The following TPD52L1 variants were observed in gnomAD, a reference collection of about 807,000 sequenced individuals.
TPD52L1 encodes the protein tumor protein D53.
A neutral mutation model predicts 28.7 loss-of-function variants in TPD52L1; 18 were observed. That is an observed-to-expected ratio of 0.63 (90% confidence interval 0.43 to 0.93). TPD52L1 has a LOEUF of 0.93. Among genes scored for constraint, TPD52L1 ranks in the 40% least tolerant of loss-of-function variants. The pLI is 0.00. For missense variants in TPD52L1, 203 were observed against 254.8 expected (o/e 0.80, Z 1.39); for synonymous variants, 75 against 88.8 (o/e 0.84, Z 0.88).
In TPD52L1 at chr6:125,157,445, G is replaced by A. The variant is rs115009665; in HGVS notation, c.19+3475G>A. On this transcript the variant is annotated intron_variant, in intron 1 of 6. Coordinates refer to ENST00000534000, the MANE Select transcript of TPD52L1 (RefSeq NM_003287.4). ...GGGGAGGTGGTAGGACACTAAACAG[G>A]AAGTGGGATTATGGGTGGAGCTGTT... Among the ~76,000 whole-genome samples, 996 of 152,320 alleles carry A rather than the reference G, an allele frequency of 6.5e-3. 12 individuals carry two copies. The highest frequency in any genetic ancestry group is 0.023 in the African/African-American group (954 of 41,570).
intron 1 of TPD52L1, among the ~76,000 whole-genome samples, chr6:125,170,869 C>T (rs1039243499): frequency 9.9e-5 from 15 of 151,692 alleles, no homozygotes; most frequent in African/African-American, 3.4e-4. Context: ...ATAACCTGTG[C>T]CTCCTCTTCT....
intron 3 of TPD52L1, among the ~76,000 whole-genome samples, chr6:125,238,520 C>T (rs1796418809): frequency 6.6e-6 from 1 of 151,858 alleles, no homozygotes; most frequent in African/African-American, 2.4e-5. Flanking sequence ...AACCCTTTCC[C>T]CCGAGTCCCC....
chr6:125,244,115 A>T (rs985270422), intron 3 of TPD52L1, among the ~76,000 whole-genome samples: 1 of 152,094 alleles, frequency 6.6e-6, no homozygotes, highest in Non-Finnish European at 1.5e-5. Context: ...GCTTTCCCTT[A>T]TGCTGTTTGT....
intron 6 of TPD52L1, among the ~76,000 whole-genome samples, chr6:125,260,838 A>AAGAG (rs61521390): frequency 0.4 from 58,076 of 143,524 alleles, 12,559 homozygotes; most frequent in East Asian, 0.59. Flanking sequence ...GGAAGAAAGG[A>AAGAG]AGAGAAAGAA....
At chr6:125,248,409 CG>C (rs1562377432) in intron 4 of TPD52L1, 26 bp downstream of exon 4, 1 of 1,576,198 alleles carries the variant, frequency 6.3e-7, no homozygotes, top group Non-Finnish European at 8.7e-7. Flanking sequence ...ACCATGGGAA[CG>C]GCGCTAAGCC....
At chr6:125,201,657 A>G (rs1793807188) in intron 1 of TPD52L1, among the ~76,000 whole-genome samples, 3 of 152,164 alleles carry the variant, frequency 2.0e-5, no homozygotes, top group Admixed American at 6.5e-5. Flanking sequence ...TTCTTTGCAA[A>G]TATCTTAGAT....
chr6:125,185,778 AC>A (rs1313750883), intron 1 of TPD52L1, among the ~76,000 whole-genome samples: 1 of 152,062 alleles, frequency 6.6e-6, no homozygotes. Context: ...TAATATACAA[AC>A]CCCCTCTGAA....
At chr6:125,258,149 G>C (rs1797713007) in intron 6 of TPD52L1, among the ~76,000 whole-genome samples, 1 of 152,138 alleles carries the variant, frequency 6.6e-6, no homozygotes, top group Non-Finnish European at 1.5e-5. Context: ...TTGACCTGGA[G>C]AGTCTTTTCT....
intron 1 of TPD52L1, among the ~76,000 whole-genome samples, chr6:125,219,304 T>A (rs995098597): frequency 6.6e-6 from 1 of 152,174 alleles, no homozygotes; most frequent in Non-Finnish European, 1.5e-5. Flanking sequence ...CATAACAAGT[T>A]AGAAGCTATT....
intron 1 of TPD52L1, among the ~76,000 whole-genome samples, chr6:125,163,069 T>C (rs980021650): frequency 6.3e-4 from 96 of 152,310 alleles, no homozygotes; most frequent in African/African-American, 2.1e-3. Context: ...AAGGGGAAGC[T>C]AAGATGAACT....
At chr6:125,223,561 TAGTC>T (rs759549080) in intron 2 of TPD52L1, among the ~76,000 whole-genome samples, 2 of 151,804 alleles carry the variant, frequency 1.3e-5, no homozygotes, top group Non-Finnish European at 2.9e-5. Flanking sequence ...ATACAAAAAT[TAGTC>T]AGGCATGGTG....
At position 125,153,935 on chromosome 6, in the gene TPD52L1, G is replaced by C. The variant is rs1402369535; in HGVS notation, c.-17G>C. The C allele has an allele frequency of 1.6e-5, 25 of 1,604,354 alleles. No individual in the cohort carries two copies. The highest frequency in any genetic ancestry group is 2.1e-5 in the Non-Finnish European group (25 of 1,177,982). On this transcript the variant is annotated 5_prime_UTR_variant, in exon 1 of 7. Transcript: ENST00000534000. The stretch of plus-strand genomic sequence containing the variant: ...CACCAGGGTGTCCCCGCCGCCCTCA[G>C]CTCGAAGTCAGCCACCATGGAGGCG...
chr6:125,245,738 C>T (rs181904776), intron 3 of TPD52L1, among the ~76,000 whole-genome samples: 2 of 152,158 alleles, frequency 1.3e-5, no homozygotes, highest in Non-Finnish European at 1.5e-5. Context: ...ACGCAGTTGG[C>T]GAGGCCAGTC....
chr6:125,204,736 C>T (rs1299834140), intron 1 of TPD52L1, among the ~76,000 whole-genome samples: 1 of 152,180 alleles, frequency 6.6e-6, no homozygotes, highest in African/African-American at 2.4e-5. Flanking sequence ...ACCTCGGCCT[C>T]CCAAAGTGCT....
intron 1 of TPD52L1, among the ~76,000 whole-genome samples, chr6:125,181,347 C>T (rs1356804189): frequency 6.6e-6 from 1 of 151,958 alleles, no homozygotes; most frequent in Non-Finnish European, 1.5e-5. Flanking sequence ...CTAAGAGCAC[C>T]AAGAAACATT....
At chr6:125,163,936 AC>A (rs929541231) in intron 1 of TPD52L1, among the ~76,000 whole-genome samples, 12 of 151,154 alleles carry the variant, frequency 7.9e-5, no homozygotes, top group South Asian at 2.1e-4. Flanking sequence ...AAAAAAGAAA[AC>A]AAAAGAAAAA....
intron 1 of TPD52L1, among the ~76,000 whole-genome samples, chr6:125,162,073 C>A (rs781582208): frequency 3.9e-4 from 59 of 152,088 alleles, no homozygotes; most frequent in Non-Finnish European, 6.6e-4. Flanking sequence ...TAATAATAAA[C>A]CTCAAACTAT....
intron 1 of TPD52L1, among the ~76,000 whole-genome samples, chr6:125,173,813 C>T (rs181323939): frequency 4.6e-4 from 70 of 152,236 alleles, no homozygotes; most frequent in Middle Eastern, 6.8e-3. Flanking sequence ...TGATACTTCT[C>T]GTTTAAAGAA....
At chr6:125,249,426 C>A (rs1170699071) in intron 4 of TPD52L1, among the ~76,000 whole-genome samples, 1 of 151,578 alleles carries the variant, frequency 6.6e-6, no homozygotes, top group Non-Finnish European at 1.5e-5. Flanking sequence ...TGCCTGTAAT[C>A]CCGTCATTTT....
Sources: allele counts gnomAD v4.1 joint callset (sites outside exome capture counted in the v4.1 genomes callset), GRCh38; gene constraint gnomAD v4.1.1; transcripts MANE v1.5; gene names NCBI Gene and HGNC (gene_info 2026-07-23, HGNC 2026-07-21).